SOX5: variants seen among roughly 807,000 people sequenced by gnomAD.
SOX5 encodes transcription factor SOX-5.
SOX5 carries 9 observed loss-of-function variants against 92.0 expected under a neutral mutation model. The observed-to-expected ratio is 0.10, with a 90% CI of 0.06 to 0.17. SOX5 has a LOEUF of 0.17. Among genes scored for constraint, SOX5 ranks in the 10% least tolerant of loss-of-function variants. SOX5 has a pLI of 1.00. For synonymous variants in SOX5, 344 were observed against 336.3 expected (o/e 1.02, Z -0.25); for missense variants, 642 against 944.5 (o/e 0.68, Z 4.20).
At chr12:23,647,780 G>A (rs1177168637) in intron 7 of SOX5, among the ~76,000 whole-genome samples, 4 of 152,152 alleles carry the variant, frequency 2.6e-5, no homozygotes, top group African/African-American at 9.7e-5. Flanking sequence ...GAGAGTTATA[G>A]GTCCTTCCTC....
chr12:23,874,846 G>A lies in SOX5; in HGVS notation c.270+20947C>T, dbSNP rs550372241. On this transcript the variant is annotated intron_variant, in intron 2 of 14. Coordinates refer to ENST00000451604, the MANE Select transcript of SOX5 (RefSeq NM_006940.6). ...AGATGCTACCTACAGCAAAGTCCTC[G>A]ATATCCTGTATCCATACTGTTTTCC... 5.9e-5 allele frequency among the ~76,000 whole-genome samples: 9 copies of A among 152,256 alleles called. No homozygotes were observed. In the East Asian group the frequency reaches 1.7e-3, roughly 29 times the overall value.
intron 4 of SOX5, among the ~76,000 whole-genome samples, chr12:23,982,713 A>T (rs896918693): frequency 2.0e-5 from 3 of 152,046 alleles, no homozygotes; most frequent in Non-Finnish European, 2.9e-5. Context: ...AGTAACATTT[A>T]AAAAAAGGAA....
At chr12:24,121,088 A>G (rs1407484249) in intron 4 of SOX5, among the ~76,000 whole-genome samples, 1 of 152,180 alleles carries the variant, frequency 6.6e-6, no homozygotes, top group Non-Finnish European at 1.5e-5. Context: ...CACTCATTGC[A>G]TTACCTTTCT....
At chr12:23,891,549 C>G (rs1208233219) in intron 2 of SOX5, among the ~76,000 whole-genome samples, 1 of 152,136 alleles carries the variant, frequency 6.6e-6, no homozygotes, top group Non-Finnish European at 1.5e-5. Flanking sequence ...CATCTCTCTT[C>G]TTTATTTAAG....
intron 1 of SOX5, among the ~76,000 whole-genome samples, chr12:24,529,748 G>A (rs1021458839): frequency 1.3e-5 from 2 of 152,264 alleles, no homozygotes; most frequent in South Asian, 4.1e-4. Flanking sequence ...GGCTGGGCGC[G>A]GTGGCTCACG....
At chr12:23,759,197 G>C (rs1023098059) in intron 3 of SOX5, among the ~76,000 whole-genome samples, 1 of 152,012 alleles carries the variant, frequency 6.6e-6, no homozygotes, top group African/African-American at 2.4e-5. Context: ...AGCAACTGTG[G>C]AATTAAAAGG....
chr12:24,235,041 C>T (rs191547160), intron 3 of SOX5, among the ~76,000 whole-genome samples: 81 of 152,320 alleles, frequency 5.3e-4, no homozygotes, highest in African/African-American at 1.7e-3. Context: ...TCTATTACGC[C>T]TGCAGTATTT....
chr12:23,905,120 A>T (rs2097278172), intron 1 of SOX5, among the ~76,000 whole-genome samples: 1 of 152,248 alleles, frequency 6.6e-6, no homozygotes. Context: ...AGAATATTTT[A>T]AAAGTTTTTG....
chr12:24,145,575 C>A lies in SOX5; in HGVS notation c.-2+67768G>T, dbSNP rs557580823. Among the ~76,000 whole-genome samples the A allele has an allele frequency of 9.2e-5, 14 of 152,290 alleles. 1 individual carries two copies. Among genetic ancestry groups the A allele is most frequent in the African/African-American group, 3.1e-4 (13 of 41,580 alleles). ...GCAGTGGAGCAATCTCGGCTCACTG[C>A]AGCCTCAACCTCCCAGGCTCAAGAA... On this transcript the variant is annotated intron_variant, in intron 4 of 4. Transcript: ENST00000446891.
rs560790342 is a variant in SOX5 at position 24,006,626 on chromosome 12, TAG to T, written c.-1-110604_-1-110603del. Among the ~76,000 whole-genome samples the T allele has an allele frequency of 2.0e-5, 3 of 152,244 alleles. No homozygotes were observed. In the East Asian group the frequency reaches 5.8e-4, roughly 29 times the overall value. On this transcript the variant is annotated intron_variant, in intron 4 of 4. Transcript: ENST00000446891. ...TTCATCCACTCCTTCCAGGATTGGG[TAG>T]ACAAATCTGCCTGATCCTGTAACTC...
At chr12:24,233,720 T>A (rs1035238150) in intron 3 of SOX5, among the ~76,000 whole-genome samples, 7 of 152,248 alleles carry the variant, frequency 4.6e-5, no homozygotes, top group African/African-American at 1.7e-4. Flanking sequence ...ATTGTCAACG[T>A]TGCTATTTGT....
At chr12:24,079,481 A>C (rs1943064989) in intron 4 of SOX5, among the ~76,000 whole-genome samples, 1 of 152,038 alleles carries the variant, frequency 6.6e-6, no homozygotes, top group Admixed American at 6.6e-5. Context: ...TATTTCCTAA[A>C]TTAAGGGGGA....
chr12:24,485,571 T>A (rs1334276009), intron 1 of SOX5, among the ~76,000 whole-genome samples: 1 of 152,104 alleles, frequency 6.6e-6, no homozygotes, highest in Non-Finnish European at 1.5e-5. Context: ...GTAAAATGCT[T>A]ACAATAACAA....
chr12:23,778,404 C>T (rs757527070), intron 3 of SOX5, among the ~76,000 whole-genome samples: 2 of 152,004 alleles, frequency 1.3e-5, no homozygotes, highest in African/African-American at 2.4e-5. Flanking sequence ...TATGAATGAA[C>T]GGGACAATAT....
chr12:23,825,152 C>A (rs2096205782), intron 3 of SOX5, among the ~76,000 whole-genome samples: 1 of 152,166 alleles, frequency 6.6e-6, no homozygotes, highest in Admixed American at 6.5e-5. Flanking sequence ...AAAAAAACTG[C>A]AGCTAGCTCA....
chr12:24,322,677 CAAGTT>C (rs1356321297), intron 2 of SOX5, among the ~76,000 whole-genome samples: 2 of 152,100 alleles, frequency 1.3e-5, no homozygotes, highest in East Asian at 3.9e-4. Flanking sequence ...CCTTTGACAA[CAAGTT>C]AAAAGTGGAA....
chr12:23,886,408 T>C (rs1198849272), intron 2 of SOX5, among the ~76,000 whole-genome samples: 2 of 152,158 alleles, frequency 1.3e-5, no homozygotes, highest in African/African-American at 2.4e-5. Flanking sequence ...CTAACTGATG[T>C]GGCCAAGAAG....
intron 4 of SOX5, 35 bp downstream of exon 4, chr12:23,755,603 G>C (rs758294963): frequency 7.0e-6 from 10 of 1,434,508 alleles, no homozygotes; most frequent in Non-Finnish European, 8.7e-6. Context: ...CTTCATTTTG[G>C]TACATTTTGG....
At chr12:23,738,319 T>A (rs1231140369) in intron 5 of SOX5, 2 of 152,206 alleles carry the variant, frequency 1.3e-5, no homozygotes, top group Non-Finnish European at 2.9e-5. Context: ...GCCCTGACCC[T>A]TAAATAATAA....
Sources: gnomAD v4.1 joint callset for allele counts (sites outside exome capture counted in the v4.1 genomes callset) on GRCh38, gnomAD v4.1.1 for gene constraint, MANE v1.5 for transcripts, NCBI Gene and HGNC (gene_info 2026-07-23, HGNC 2026-07-21) for gene names.